The following MCTP1 variants were observed in gnomAD, a reference collection of about 807,000 sequenced individuals.
MCTP1 encodes multiple C2 and transmembrane domain-containing protein 1.
In MCTP1, 69 loss-of-function variants were observed where a neutral mutation model predicts 120.6. That is an observed-to-expected ratio of 0.57 (90% CI 0.47 to 0.70). The LOEUF is 0.70. MCTP1 is among the 30% of genes least tolerant of loss of function. The pLI is 0.00. For missense variants in MCTP1, 1,203 were observed against 1,248.8 expected (o/e 0.96, Z 0.55); for synonymous variants, 529 against 493.1 (o/e 1.07, Z -0.96).
intron 17 of MCTP1, among the ~76,000 whole-genome samples, chr5:94,862,450 A>C (rs1483933394): frequency 6.6e-6 from 1 of 151,868 alleles, no homozygotes; most frequent in Admixed American, 6.6e-5. Context: ...ATTTGAGCCA[A>C]GTGTTGCACT....
chr5:94,726,705 T>A (rs1762197804), intron 19 of MCTP1, among the ~76,000 whole-genome samples: 2 of 152,134 alleles, frequency 1.3e-5, no homozygotes, highest in Non-Finnish European at 2.9e-5. Flanking sequence ...GTTCCTCCAT[T>A]TTACAGATCA....
intron 1 of MCTP1, among the ~76,000 whole-genome samples, chr5:95,156,871 A>T (rs960400481): frequency 6.6e-6 from 1 of 152,230 alleles, no homozygotes; most frequent in African/African-American, 2.4e-5. Flanking sequence ...TTGGCAGTAA[A>T]ATATAATTTC....
intron 6 of MCTP1, among the ~76,000 whole-genome samples, chr5:94,924,235 T>A (rs1686993553): frequency 6.6e-6 from 1 of 152,152 alleles, no homozygotes; most frequent in Admixed American, 6.5e-5. Context: ...CTGTAATTTT[T>A]TAAGAGTCCA....
rs547783745 is a variant in MCTP1, at chr5:94,970,938, C to T, written c.839-17577G>A. 3.3e-5 allele frequency among the ~76,000 whole-genome samples: 5 copies of T among 151,684 alleles called. No individual in the cohort carries two copies. The South Asian group carries it at 6.2e-4, about 19-fold the overall frequency. On this transcript the variant is annotated intron_variant, in intron 2 of 22. Coordinates refer to ENST00000515393, the MANE Select transcript of MCTP1 (RefSeq NM_024717.7). ...ACTTTTAAAAATTCATCAATTTCAA[C>T]GGGCTTTTCTTCGTTTTCAGCCCTT...
intron 1 of MCTP1, among the ~76,000 whole-genome samples, chr5:95,131,179 C>CA (rs1485291962): frequency 1.3e-5 from 2 of 152,084 alleles, no homozygotes; most frequent in African/African-American, 4.8e-5. Context: ...TCAATGTTGT[C>CA]AGAGTTGCCT....
intron 17 of MCTP1, among the ~76,000 whole-genome samples, chr5:94,851,474 C>T (rs1173436004): frequency 1.3e-5 from 2 of 151,908 alleles, no homozygotes; most frequent in Admixed American, 6.6e-5. Flanking sequence ...GGAAAGTTAC[C>T]CATCTTTAAT....
chr5:95,166,568 A>ACTTTTTTTTTTTTTTTTTTTTTTTTTT (rs1491535520), intron 1 of MCTP1, among the ~76,000 whole-genome samples: 1 of 125,126 alleles, frequency 8.0e-6, no homozygotes, highest in African/African-American at 3.0e-5. Context: ...AATTTTAATC[A>ACTTTTTTTTTTTTTTTTTTTTTTTTTT]TTTTTTTTTT....
At chr5:95,161,241 T>G (rs958013580) in intron 1 of MCTP1, among the ~76,000 whole-genome samples, 5 of 152,096 alleles carry the variant, frequency 3.3e-5, no homozygotes, top group African/African-American at 1.2e-4. Flanking sequence ...CTTATATGCA[T>G]AATAGGATAG....
At chr5:95,229,625 C>T (rs564749686) in intron 1 of MCTP1, among the ~76,000 whole-genome samples, 16 of 152,124 alleles carry the variant, frequency 1.1e-4, no homozygotes, top group African/African-American at 3.4e-4. Context: ...CCTGTAATCT[C>T]AGCTACTCAA....
At chr5:95,129,190 A>C (rs572130407) in intron 1 of MCTP1, among the ~76,000 whole-genome samples, 1 of 152,378 alleles carries the variant, frequency 6.6e-6, no homozygotes, top group East Asian at 1.9e-4. Flanking sequence ...TACTAGCTCA[A>C]GAACATCTCA....
chr5:95,176,820 C>A (rs1233870850), intron 1 of MCTP1, among the ~76,000 whole-genome samples: 1 of 152,032 alleles, frequency 6.6e-6, no homozygotes, highest in Non-Finnish European at 1.5e-5. Flanking sequence ...GATTGGGCAA[C>A]AGAGTGAGAC....
At chr5:94,717,892 C>T in intron 19 of MCTP1, among the ~76,000 whole-genome samples, 1 of 152,118 alleles carries the variant, frequency 6.6e-6, no homozygotes, top group East Asian at 1.9e-4. Context: ...GGAAAATATT[C>T]CATGCTCATG....
chr5:95,134,353 T>C (rs1265643524), intron 1 of MCTP1, among the ~76,000 whole-genome samples: 4 of 152,214 alleles, frequency 2.6e-5, no homozygotes, highest in Non-Finnish European at 5.9e-5. Flanking sequence ...CAAGATTACA[T>C]ATAAAAGAAT....
chr5:95,166,568 A>T (rs1308419575), intron 1 of MCTP1, among the ~76,000 whole-genome samples: 50 of 125,100 alleles, frequency 4.0e-4, no homozygotes, highest in South Asian at 1.0e-3. Flanking sequence ...AATTTTAATC[A>T]TTTTTTTTTT....
At chr5:94,864,340 A>G (rs1412916606) in intron 17 of MCTP1, among the ~76,000 whole-genome samples, 1 of 151,918 alleles carries the variant, frequency 6.6e-6, no homozygotes, top group African/African-American at 2.4e-5. Flanking sequence ...TAAGTAAAAT[A>G]TGTATCTCCC....
At chr5:94,944,804 G>A (rs776293548) in intron 3 of MCTP1, among the ~76,000 whole-genome samples, 52 of 152,174 alleles carry the variant, frequency 3.4e-4, no homozygotes, top group Admixed American at 7.2e-4. Context: ...TTGGTTCCAA[G>A]CTCTACACAC....
intron 1 of MCTP1, among the ~76,000 whole-genome samples, chr5:95,082,732 G>A (rs533479820): frequency 9.9e-5 from 15 of 152,224 alleles, no homozygotes; most frequent in African/African-American, 3.1e-4. Flanking sequence ...GAGATCTAGT[G>A]TATGTTTTGC....
chr5:94,956,926 A>G (rs969983501), intron 2 of MCTP1, among the ~76,000 whole-genome samples: 4 of 152,192 alleles, frequency 2.6e-5, no homozygotes, highest in African/African-American at 9.6e-5. Context: ...CACCACAAAG[A>G]TACTCCTCAA....
intron 10 of MCTP1, among the ~76,000 whole-genome samples, chr5:94,903,863 C>T (rs1806139989): frequency 6.6e-6 from 1 of 152,190 alleles, no homozygotes; most frequent in Admixed American, 6.5e-5. Context: ...ACAGGATTTA[C>T]TTATTCTGCA....
Sources: allele counts gnomAD v4.1 joint callset (sites outside exome capture counted in the v4.1 genomes callset), GRCh38; gene constraint gnomAD v4.1.1; transcripts MANE v1.5; gene names NCBI Gene and HGNC (gene_info 2026-07-23, HGNC 2026-07-21).